Variants in MAU2 observed in about 807,000 individuals in gnomAD.
MAU2 encodes the protein MAU2 chromatid cohesion factor homolog.
A neutral mutation model predicts 89.1 loss-of-function variants in MAU2; 9 were observed. The observed-to-expected ratio is 0.10, with a 90% CI of 0.06 to 0.18. The LOEUF (loss-of-function observed/expected upper bound fraction) is 0.18. Among genes scored for constraint, MAU2 ranks in the 10% least tolerant of loss-of-function variants. MAU2 has a pLI of 1.00. For missense variants in MAU2, 425 were observed against 803.5 expected, an observed-to-expected ratio of 0.53 and a Z score of 5.69; for synonymous variants, 357 against 343.4, an observed-to-expected ratio of 1.04 and a Z score of -0.44.
chr19:19,331,501 C>A (rs1169979437), intron 1 of MAU2, among the ~76,000 whole-genome samples: 30 of 144,944 alleles, frequency 2.1e-4, no homozygotes, highest in African/African-American at 2.3e-4. Flanking sequence ...AACTCCGTCT[C>A]AAAAAAAAAA....
At chr19:19,352,515 G>T (rs2061753608) in intron 16 of MAU2, 1 of 152,320 alleles carries the variant, frequency 6.6e-6, no homozygotes, top group African/African-American at 2.4e-5. Flanking sequence ...TCTAGAATGT[G>T]CTATCACCCT....
chr19:19,330,756 T>G (rs532169805), intron 1 of MAU2, among the ~76,000 whole-genome samples: 2 of 151,582 alleles, frequency 1.3e-5, no homozygotes, highest in Non-Finnish European at 2.9e-5. Context: ...ACAAAATTAG[T>G]AGGACCTGGT....
intron 1 of MAU2, among the ~76,000 whole-genome samples, chr19:19,326,693 T>TATATATATGTATATATATATATATATAC (rs2061507757): frequency 9.7e-6 from 1 of 102,604 alleles, no homozygotes; most frequent in African/African-American, 3.1e-5. Flanking sequence ...CAAAAAAAAA[T>TATATATATGTATATATATATATATATAC]ATATATATGT....
intron 12 of MAU2, 193 bp from the exon 13 acceptor site, chr19:19,347,087 G>A (rs1322992750): frequency 1.8e-6 from 1 of 568,868 alleles, no homozygotes; most frequent in African/African-American, 1.9e-5. Flanking sequence ...CCGTAACGCA[G>A]ATGATGGTTT....
At chr19:19,353,108 G>A (rs1033171816) in intron 16 of MAU2, 2 of 152,266 alleles carry the variant, frequency 1.3e-5, no homozygotes, top group African/African-American at 4.8e-5. Flanking sequence ...AGGGTCCAGG[G>A]GCCCAGAAGA....
Position 19,336,228 on chromosome 19 carries a change from C to T in MAU2, c.360+41C>T, listed in dbSNP as rs75267601. ...GGTTTCTGAAAGCAAAGTGTCTCTCCGTGTCGCTAAGACATGACAGCACAT... is the reference window on the plus strand; with the variant it reads ...GGTTTCTGAAAGCAAAGTGTCTCTCTGTGTCGCTAAGACATGACAGCACAT... On this transcript the variant is annotated intron_variant, in intron 3 of 18. Coordinates refer to ENST00000262815, the MANE Select transcript of MAU2 (RefSeq NM_015329.4). 6,010 of 1,436,056 alleles carry T rather than the reference C, an allele frequency of 4.2e-3. 202 individuals are homozygous for T. In the African/African-American group the frequency reaches 0.073, roughly 17 times the overall value. 89.0% of individuals were successfully genotyped at this position (1,436,056 alleles called of 1,614,324 possible).
At chr19:19,325,669 A>G (rs1021072908) in intron 1 of MAU2, among the ~76,000 whole-genome samples, 2 of 151,668 alleles carry the variant, frequency 1.3e-5, no homozygotes, top group African/African-American at 4.9e-5. Flanking sequence ...AGTAGAAACA[A>G]GGTTTCATCA....
intron 6 of MAU2, 53 bp from the exon 7 acceptor site, chr19:19,341,199 T>C (rs1464650959): frequency 6.4e-7 from 1 of 1,570,048 alleles, no homozygotes; most frequent in Non-Finnish European, 8.6e-7. Flanking sequence ...CTCCCGGTCC[T>C]GGGAGGGCCC....
At chr19:19,332,239 C>A (rs1390155417) in intron 1 of MAU2, among the ~76,000 whole-genome samples, 1 of 151,786 alleles carries the variant, frequency 6.6e-6, no homozygotes, top group Non-Finnish European at 1.5e-5. Flanking sequence ...TAGCTCACTG[C>A]AGCCCCAAAC....
intron 1 of MAU2, among the ~76,000 whole-genome samples, chr19:19,324,892 A>C (rs2061492046): frequency 6.6e-6 from 1 of 152,186 alleles, no homozygotes; most frequent in Non-Finnish European, 1.5e-5. Context: ...CAACATAAGC[A>C]TGCTTTCTTT....
intron 16 of MAU2, chr19:19,352,443 G>A (rs2061753042): frequency 6.6e-6 from 1 of 152,236 alleles, no homozygotes; most frequent in South Asian, 2.1e-4. Flanking sequence ...CTCAGGCCCT[G>A]GTGGGCCTTG....
chr19:19,335,464 G>A (rs778357272), intron 1 of MAU2, among the ~76,000 whole-genome samples: 24 of 152,108 alleles, frequency 1.6e-4, no homozygotes, highest in Non-Finnish European at 2.6e-4. Flanking sequence ...CTCCAAGTGC[G>A]AGCCCCTCCT....
chr19:19,353,939 G>A (rs1485230464), intron 16 of MAU2: 1 of 223,330 alleles, frequency 4.5e-6, no homozygotes, highest in African/African-American at 2.2e-5. Context: ...TCCCATGAGA[G>A]CCAACTCAAT....
At chr19:19,341,139 C>G in intron 6 of MAU2, 113 bp from the exon 7 acceptor site, 1 of 1,323,376 alleles carries the variant, frequency 7.6e-7, no homozygotes, top group South Asian at 1.4e-5. Flanking sequence ...TGGCCTTGCC[C>G]TCTGGATTGG....
intron 4 of MAU2, among the ~76,000 whole-genome samples, chr19:19,337,985 T>G (rs1286585358): frequency 6.6e-6 from 1 of 152,184 alleles, no homozygotes; most frequent in African/African-American, 2.4e-5. Context: ...CTGGGGACCC[T>G]CAGGCGGGTG....
rs1347727138 is a variant in MAU2 at position 19,344,935 on chromosome 19, C to T, written c.1155+9C>T. On this transcript the variant is annotated intron_variant, in intron 11 of 18. Transcript: ENST00000262815. ...AGCTGCACACATTGCTGGTGAGTAA[C>T]CCTGTGACAACACCCCGGGAGAATC... The T allele has an allele frequency of 1.2e-6, 2 of 1,612,874 alleles. No individual in the cohort carries two copies. Among genetic ancestry groups the T allele is most frequent in the Non-Finnish European group, 1.7e-6 (2 of 1,179,544 alleles).
intron 13 of MAU2, chr19:19,347,640 G>T: frequency 2.9e-6 from 1 of 350,302 alleles, no homozygotes; most frequent in Non-Finnish European, 5.3e-6. Flanking sequence ...ACACAGACAA[G>T]GTCTTATAGC....
intron 4 of MAU2, among the ~76,000 whole-genome samples, chr19:19,338,479 A>G (rs745665737): frequency 1.3e-5 from 2 of 152,194 alleles, no homozygotes; most frequent in Non-Finnish European, 2.9e-5. Flanking sequence ...CGGCCCTGGA[A>G]CACACTAGGG....
chr19:19,340,825 C>T (rs1382020059), intron 5 of MAU2, 21 bp from the exon 6 acceptor site: 1 of 1,613,112 alleles, frequency 6.2e-7, no homozygotes. Context: ...TAGGACCTGA[C>T]CCCTGCCTCT....
Sources: gnomAD v4.1 joint callset for allele counts (sites outside exome capture counted in the v4.1 genomes callset) on GRCh38, gnomAD v4.1.1 for gene constraint, MANE v1.5 for transcripts, NCBI Gene and HGNC (gene_info 2026-07-23, HGNC 2026-07-21) for gene names.